Variants in ERMAP observed in about 807,000 individuals in gnomAD.
ERMAP encodes the protein erythroblast membrane associated protein (Scianna blood group).
ERMAP carries 34 observed loss-of-function variants against 49.5 expected under a neutral mutation model. That is an observed-to-expected ratio of 0.69 (90% CI 0.52 to 0.91). ERMAP has a LOEUF of 0.91. Ranked by LOEUF, ERMAP falls within the 40% of genes least tolerant of loss-of-function variation. The pLI, the probability that ERMAP is intolerant of heterozygous loss-of-function variation, is 0.00. For missense variants in ERMAP, 541 were observed against 582.6 expected (o/e 0.93, Z 0.74); for synonymous variants, 214 against 232.2 (o/e 0.92, Z 0.71).
Position 42,825,640 on chromosome 1 carries a change from G to A in ERMAP, c.-104G>A. 1 of 1,289,118 alleles carries A rather than the reference G, an allele frequency of 7.8e-7. No homozygotes were observed. The allele number at this position is 1,289,118 out of a possible 1,614,324, so 79.9% of individuals were successfully genotyped here. The stretch of plus-strand genomic sequence containing the variant: ...ATCCCTAGGCCTTCCTGATGCGCTT[G>A]CCTGCTCCCTGGTCTCTCTGCATGG... On this transcript the variant is annotated 5_prime_UTR_variant, in exon 2 of 12. Transcript: ENST00000372517.
chr1:42,817,346 A>T, intron 1 of ERMAP, 93 bp downstream of exon 1: 2 of 853,198 alleles, frequency 2.3e-6, no homozygotes, highest in Non-Finnish European at 3.0e-6. Context: ...GGAGGGGCGC[A>T]GGGCCGAGCG....
intron 1 of ERMAP, chr1:42,824,518 A>T (rs1004610835): frequency 6.6e-6 from 1 of 152,260 alleles, no homozygotes; most frequent in Non-Finnish European, 1.5e-5. Flanking sequence ...ACCTGGATTA[A>T]TTTCAGTGTC....
chr1:42,824,550 CAG>C (rs1170649780), intron 1 of ERMAP: 18 of 152,284 alleles, frequency 1.2e-4, no homozygotes, highest in Admixed American at 4.6e-4. Flanking sequence ...ACCCCCAGAA[CAG>C]AGTGTGAGGT....
In ERMAP at chr1:42,842,944, C is replaced by CT; in HGVS notation, c.1143dup (p.Thr382TyrfsTer15). The stretch of plus-strand genomic sequence containing the variant: ...ACAATGTGACCAACAAGTCCCACAT[C>CT]TTTACTTTCACCCACAATTTCTCTG... On this transcript the variant is annotated frameshift_variant, in exon 12 of 12. Transcript: ENST00000372517. LOFTEE classifies it high-confidence loss of function. The CT allele has an allele frequency of 6.2e-7, 1 of 1,614,238 alleles. No individual in the cohort carries two copies.
intron 1 of ERMAP, 139 bp from the exon 2 acceptor site, chr1:42,825,479 CTCTGT>C: frequency 1.7e-6 from 2 of 1,171,394 alleles, no homozygotes; most frequent in Non-Finnish European, 2.1e-6. Flanking sequence ...CTCCTCTTTG[CTCTGT>C]TCTTTTATCA....
At position 42,835,782 on chromosome 1, in the gene ERMAP, G is replaced by A. The variant is rs764314084; in HGVS notation, c.583+18G>A. 2.7e-5 allele frequency: 43 copies of A among 1,599,932 alleles called. No homozygotes were observed. The South Asian group carries it at 4.8e-4, about 18-fold the overall frequency. On this transcript the variant is annotated intron_variant, in intron 6 of 11. Coordinates refer to ENST00000372517, the MANE Select transcript of ERMAP (RefSeq NM_001017922.2). ...GGAGGTGGGTAAGTGTTCTTGGCTG[G>A]GGGGCAGGGGAGATGTTTCTTTTGT...
chr1:42,818,247 A>G (rs1654301323), intron 1 of ERMAP, among the ~76,000 whole-genome samples: 1 of 152,224 alleles, frequency 6.6e-6, no homozygotes, highest in African/African-American at 2.4e-5. Context: ...GTTTAGTACT[A>G]GGTATCAAAA....
intron 8 of ERMAP, chr1:42,839,736 TACA>T (rs5773792): frequency 0.15 from 75,753 of 499,216 alleles, 6,347 homozygotes; most frequent in Admixed American, 0.26. Flanking sequence ...TAATATTTCC[TACA>T]ACATCTACAT....
intron 1 of ERMAP, among the ~76,000 whole-genome samples, chr1:42,823,176 A>G (rs988573930): frequency 1.8e-4 from 27 of 152,240 alleles, no homozygotes; most frequent in African/African-American, 6.5e-4. Flanking sequence ...TAGTTGTGAC[A>G]TGAAATCTGA....
intron 2 of ERMAP, among the ~76,000 whole-genome samples, chr1:42,828,365 T>C (rs1654614837): frequency 6.6e-6 from 1 of 152,158 alleles, no homozygotes; most frequent in Admixed American, 6.5e-5. Context: ...GTACTATTAT[T>C]AACTTCATTT....
chr1:42,828,555 G>A (rs553688579), intron 2 of ERMAP, among the ~76,000 whole-genome samples: 2 of 151,778 alleles, frequency 1.3e-5, no homozygotes, highest in East Asian at 1.9e-4. Flanking sequence ...GAGTGCAGTG[G>A]TGCAATCACA....
chr1:42,825,815 T>C lies in ERMAP; in HGVS notation c.-6+77T>C, dbSNP rs35572814. On this transcript the variant is annotated intron_variant, in intron 2 of 11. Coordinates refer to ENST00000372517, the MANE Select transcript of ERMAP (RefSeq NM_001017922.2). ...ATCCTCAGGTTTAGTAGAGAAATAA[T>C]CCCCTTTCTCCTTACGCACAAGAAC... The C allele has an allele frequency of 6.9e-4, 874 of 1,266,686 alleles. 5 individuals carry two copies. The African/African-American group carries it at 0.012, about 17-fold the overall frequency. The allele number at this position is 1,266,686 out of a possible 1,614,324, so 78.5% of individuals were successfully genotyped here.
At chr1:42,828,876 T>A (rs1248014031) in intron 2 of ERMAP, among the ~76,000 whole-genome samples, 1 of 152,162 alleles carries the variant, frequency 6.6e-6, no homozygotes, top group African/African-American at 2.4e-5. Context: ...TTCTATTTGA[T>A]TTCAGGCAGC....
chr1:42,821,476 C>T (rs1654404603), intron 1 of ERMAP, among the ~76,000 whole-genome samples: 1 of 152,136 alleles, frequency 6.6e-6, no homozygotes, highest in South Asian at 2.1e-4. Context: ...AGATAAGAAA[C>T]TCATTTTATG....
In ERMAP at chr1:42,819,345, A is replaced by G. The variant is rs999590575; in HGVS notation, c.-122+2092A>G. Among the ~76,000 whole-genome samples, 3 of 151,940 alleles carry G rather than the reference A, an allele frequency of 2.0e-5. No individual in the cohort carries two copies. Among genetic ancestry groups the G allele is most frequent in the African/African-American group, 7.2e-5 (3 of 41,422 alleles). ...ACTGGAGATACCAGTTTGGGATTCT[A>G]CATTCTTTATTGGGAAGGTGAAGGT... On this transcript the variant is annotated intron_variant, in intron 1 of 11. Coordinates refer to ENST00000372517, the MANE Select transcript of ERMAP (RefSeq NM_001017922.2). This position sits in a 1 kb window ranked among gnomAD's most constrained non-coding sequence, Gnocchi z 5.1.
At chr1:42,833,649 G>T (rs1335081363) in intron 4 of ERMAP, among the ~76,000 whole-genome samples, 2 of 152,022 alleles carry the variant, frequency 1.3e-5, no homozygotes, top group Non-Finnish European at 2.9e-5. Context: ...AAGTGATTTT[G>T]ATTTTTTTTT....
Position 42,840,307 on chromosome 1 carries a change from C to A in ERMAP, c.712+11C>A. 5 of 1,614,104 alleles carry A rather than the reference C, an allele frequency of 3.1e-6. No individual in the cohort carries two copies. Among genetic ancestry groups the A allele is most frequent in the Non-Finnish European group, 4.2e-6 (5 of 1,180,014 alleles). ...CCCGGTTGCATTTTGGTAAGTTATA[C>A]CAATCAAATAGGTCCATATCTCAGA... On this transcript the variant is annotated intron_variant, in intron 11 of 11. Coordinates refer to ENST00000372517, the MANE Select transcript of ERMAP (RefSeq NM_001017922.2).
In ERMAP at chr1:42,817,289, G is replaced by A. The variant is rs373374822; in HGVS notation, c.-122+36G>A. On this transcript the variant is annotated intron_variant, in intron 1 of 11. Coordinates refer to ENST00000372517, the MANE Select transcript of ERMAP (RefSeq NM_001017922.2). ...CCTTCCCCCGACCACTGGACCCAGC[G>A]CTGCCTGCCCACCGCCCCTCGTCCT... The A allele has an allele frequency of 1.3e-5, 16 of 1,214,236 alleles. No individual in the cohort carries two copies. In the East Asian group the frequency reaches 4.5e-4, roughly 34 times the overall value. 75.2% of individuals were successfully genotyped at this position (1,214,236 alleles called of 1,614,324 possible).
Position 42,844,074 on chromosome 1 carries a change from T to A in ERMAP, c.*842T>A, listed in dbSNP as rs971694842. The stretch of plus-strand genomic sequence containing the variant: ...ATCAATCTGTTGTGCCAACCCTTTC[T>A]GAGATTCAGAGAGGTCCAGCTAGAA... On this transcript the variant is annotated 3_prime_UTR_variant, in exon 12 of 12. Transcript: ENST00000372517. This position sits in a 1 kb window ranked among gnomAD's most constrained non-coding sequence, Gnocchi z 4.0. 4.0e-4 allele frequency: 161 copies of A among 398,516 alleles called. No homozygotes were observed. In the East Asian group the frequency reaches 5.7e-3, roughly 14 times the overall value. The allele number at this position is 398,516 out of a possible 1,614,324, so 24.7% of individuals were successfully genotyped here. A position where few individuals can be genotyped will look rare whatever the true frequency, so the allele number is the denominator to read the frequency against.
Sources: allele counts gnomAD v4.1 joint callset (sites outside exome capture counted in the v4.1 genomes callset), GRCh38; gene constraint gnomAD v4.1.1; non-coding constraint Gnocchi (gnomAD v3.1); transcripts MANE v1.5; gene names NCBI Gene and HGNC (gene_info 2026-07-23, HGNC 2026-07-21).